KCNH5: variants seen among roughly 807,000 people sequenced by gnomAD.
KCNH5 encodes voltage-gated delayed rectifier potassium channel KCNH5.
KCNH5 carries 46 observed loss-of-function variants against 96.1 expected under a neutral mutation model. That is an observed-to-expected ratio of 0.48 (90% CI 0.38 to 0.61). The LOEUF is 0.61. KCNH5 is among the 20% of genes least tolerant of loss of function. KCNH5 has a pLI of 0.00. For missense variants in KCNH5, 907 were observed against 1,225.8 expected (o/e 0.74, Z 3.88); for synonymous variants, 439 against 449.8 (o/e 0.98, Z 0.30).
chr14:62,937,414 T>C (rs1264324198), intron 7 of KCNH5, among the ~76,000 whole-genome samples: 8 of 152,162 alleles, frequency 5.3e-5, no homozygotes, highest in Admixed American at 5.2e-4. Context: ...CTCAAAAGTC[T>C]TCCCATCTGG....
intron 7 of KCNH5, among the ~76,000 whole-genome samples, chr14:62,885,782 TC>T (rs1888583497): frequency 6.6e-6 from 1 of 152,160 alleles, no homozygotes; most frequent in Admixed American, 6.5e-5. Context: ...TACCTAAACA[TC>T]CTTTTGTGTT....
At chr14:62,747,065 G>A (rs138459733) in intron 10 of KCNH5, among the ~76,000 whole-genome samples, 1,808 of 152,296 alleles carry the variant, frequency 0.012, 10 homozygotes, top group Non-Finnish European at 0.02. Flanking sequence ...CGGACGCGGC[G>A]GCTCATGCCT....
At chr14:63,018,499 G>C (rs1330854845) in intron 1 of KCNH5, among the ~76,000 whole-genome samples, 1 of 152,048 alleles carries the variant, frequency 6.6e-6, no homozygotes, top group Non-Finnish European at 1.5e-5. Context: ...CCCGAAGGTA[G>C]AAGATGAATT....
At chr14:62,774,742 TTC>T (rs1317922209) in intron 10 of KCNH5, among the ~76,000 whole-genome samples, 5 of 152,188 alleles carry the variant, frequency 3.3e-5, no homozygotes, top group African/African-American at 1.2e-4. Context: ...TTTCCTCTGC[TTC>T]TCTCTCATCC....
intron 7 of KCNH5, among the ~76,000 whole-genome samples, chr14:62,860,715 C>T (rs1338884912): frequency 6.6e-6 from 1 of 152,164 alleles, no homozygotes; most frequent in Non-Finnish European, 1.5e-5. Context: ...TCTCACAGGA[C>T]CTACCCCATT....
intron 7 of KCNH5, among the ~76,000 whole-genome samples, chr14:62,860,515 G>A (rs974730243): frequency 7.2e-5 from 11 of 152,102 alleles, no homozygotes; most frequent in African/African-American, 2.7e-4. Flanking sequence ...TAGATGTTCA[G>A]GGAATACTGA....
chr14:63,045,167 C>G lies in KCNH5; in HGVS notation c.20G>C (p.Gly7Ala). The change falls in exon 1 of 11, where the codon GGG becomes GCG. Residue 7 changes from glycine (G) to alanine (A), a missense_variant. Physicochemically the swap from Gly to Ala is moderately conservative, Grantham distance 60 (BLOSUM62 0). Around this residue, in one of 6 missense-constraint regions of KCNH5, gnomAD observed 370 missense variants for 561.3 expected, o/e 0.66. Coordinates refer to ENST00000322893, the MANE Select transcript of KCNH5 (RefSeq NM_139318.5). Reference sequence around the variant, plus strand: ...AAATGTGTTCTGCGGTGCCACCAGCCCTCTCTTGCCCCCCGGCATCCTGGG... The same window carrying G: ...AAATGTGTTCTGCGGTGCCACCAGCGCTCTCTTGCCCCCCGGCATCCTGGG... MPGGKR[G>A]LVAPQNTFLE... The G allele has an allele frequency of 1.2e-6, 2 of 1,613,744 alleles. No homozygotes were observed. The highest frequency in any genetic ancestry group is 1.7e-6 in the Non-Finnish European group (2 of 1,180,016).
At position 62,757,260 on chromosome 14, in the gene KCNH5, A is replaced by G. The variant is rs185512836; in HGVS notation, c.2019+22468T>C. On this transcript the variant is annotated intron_variant, in intron 10 of 10. Coordinates refer to ENST00000322893, the MANE Select transcript of KCNH5 (RefSeq NM_139318.5). ...AATGCAATATCCTATCACCCCATTT[A>G]AAATGGCTTTTATCCAAAACACAGG... is the stretch of plus-strand genomic sequence containing the variant. Among the ~76,000 whole-genome samples the G allele has an allele frequency of 2.7e-4, 41 of 152,328 alleles. No homozygotes were observed. The East Asian group carries it at 5.0e-3, about 19-fold the overall frequency.
intron 10 of KCNH5, among the ~76,000 whole-genome samples, chr14:62,751,007 A>C (rs528116921): frequency 4.6e-5 from 7 of 152,110 alleles, no homozygotes; most frequent in Non-Finnish European, 7.4e-5. Flanking sequence ...ACTTGTATAT[A>C]AGAATGATCT....
intron 7 of KCNH5, among the ~76,000 whole-genome samples, chr14:62,896,587 G>A (rs12431704): frequency 0.54 from 81,710 of 152,044 alleles, 22,842 homozygotes; most frequent in South Asian, 0.68. Context: ...TACAATCAAC[G>A]TAGCACATGT....
At chr14:63,009,255 T>TG (rs1176885839) in intron 2 of KCNH5, among the ~76,000 whole-genome samples, 1 of 152,138 alleles carries the variant, frequency 6.6e-6, no homozygotes, top group Non-Finnish European at 1.5e-5. Flanking sequence ...TTTGAGGGAT[T>TG]GGTTTAATAA....
chr14:62,835,950 A>C (rs958876600), intron 8 of KCNH5, among the ~76,000 whole-genome samples: 4 of 152,046 alleles, frequency 2.6e-5, no homozygotes, highest in Admixed American at 1.3e-4. Flanking sequence ...TAAAAAGATA[A>C]ATTTAATATC....
chr14:62,827,131 T>C (rs1235894157), intron 8 of KCNH5, among the ~76,000 whole-genome samples: 2 of 152,142 alleles, frequency 1.3e-5, no homozygotes, highest in African/African-American at 2.4e-5. Context: ...AAAAGTTGTA[T>C]AAAAGGAACA....
chr14:62,856,692 G>A (rs1441446520), intron 7 of KCNH5, among the ~76,000 whole-genome samples: 1 of 152,018 alleles, frequency 6.6e-6, no homozygotes, highest in Non-Finnish European at 1.5e-5. Context: ...CTCTCATAAT[G>A]GCTCCTGGCT....
At chr14:62,973,538 C>A (rs1890448343) in intron 6 of KCNH5, among the ~76,000 whole-genome samples, 1 of 152,110 alleles carries the variant, frequency 6.6e-6, no homozygotes, top group African/African-American at 2.4e-5. Context: ...TGCTCTTCTG[C>A]CTTCCACCAT....
At chr14:62,995,766 G>T (rs1438360558) in intron 4 of KCNH5, among the ~76,000 whole-genome samples, 1 of 152,008 alleles carries the variant, frequency 6.6e-6, no homozygotes, top group East Asian at 1.9e-4. Flanking sequence ...TTTTTACTGA[G>T]ACAACGGGAG....
intron 10 of KCNH5, among the ~76,000 whole-genome samples, chr14:62,766,566 C>A (rs1472592563): frequency 6.6e-6 from 1 of 152,042 alleles, no homozygotes; most frequent in Non-Finnish European, 1.5e-5. Flanking sequence ...TTAAATGAAG[C>A]AAGCCAGGCA....
At chr14:62,759,272 T>A (rs8018091) in intron 10 of KCNH5, among the ~76,000 whole-genome samples, 8,736 of 152,248 alleles carry the variant, frequency 0.057, 394 homozygotes, top group East Asian at 0.24. Flanking sequence ...CACCTGAGGA[T>A]TGAATAGTCC....
At chr14:63,020,277 C>A (rs1309447294) in intron 1 of KCNH5, among the ~76,000 whole-genome samples, 1 of 152,052 alleles carries the variant, frequency 6.6e-6, no homozygotes, top group Non-Finnish European at 1.5e-5. Context: ...AAATATGTAT[C>A]TATGACCCAG....
Sources: allele counts gnomAD v4.1 joint callset (sites outside exome capture counted in the v4.1 genomes callset), GRCh38; gene constraint gnomAD v4.1.1; regional missense constraint gnomAD v4.1.1; transcripts MANE v1.5; gene names NCBI Gene and HGNC (gene_info 2026-07-23, HGNC 2026-07-21).